Variants in YLPM1 observed in about 807,000 individuals in gnomAD.
YLPM1 encodes YLP motif-containing protein 1.
In YLPM1, 99 loss-of-function variants were observed where a neutral mutation model predicts 230.0. That is an observed-to-expected ratio of 0.43 (90% CI 0.37 to 0.51). The LOEUF (loss-of-function observed/expected upper bound fraction) is 0.51. YLPM1 is among the 20% of genes least tolerant of loss of function. YLPM1 has a pLI of 0.00. For synonymous variants in YLPM1, 984 were observed against 942.5 expected (o/e 1.04, Z -0.81); for missense variants, 2,592 against 2,707.7 (o/e 0.96, Z 0.95).
intron 13 of YLPM1, 50 bp from the exon 14 acceptor site, chr14:74,816,881 G>A: frequency 2.7e-6 from 4 of 1,509,324 alleles, no homozygotes; most frequent in Non-Finnish European, 3.5e-6. Context: ...AAAAGGTTTT[G>A]GATGATTCTT....
In YLPM1 at chr14:74,778,570, G is replaced by T; in HGVS notation, c.997G>T (p.Glu333Ter). 6.2e-7 allele frequency: 1 copy of T among 1,605,272 alleles called. No individual in the cohort carries two copies. The highest frequency in any genetic ancestry group is 8.5e-7 in the Non-Finnish European group (1 of 1,175,984). Residue 333 changes from glutamate (E) to a stop codon, truncating the protein, a stop_gained, in exon 2 of 21, where the codon GAA becomes TAA. Coordinates refer to ENST00000325680, the MANE Select transcript of YLPM1 (RefSeq NM_019589.3). LOFTEE classifies it high-confidence loss of function. ...AKDTPEPVKE[E>*]VTVPATSQVP... Reference sequence around the variant, plus strand: ...GGATACACCAGAGCCGGTAAAAGAAGAAGTTACAGTACCTGCCACCAGTCA... The same window carrying T: ...GGATACACCAGAGCCGGTAAAAGAATAAGTTACAGTACCTGCCACCAGTCA...
chr14:74,798,591 A>G lies in YLPM1; in HGVS notation c.3294A>G (p.Gln1098=). The change falls in exon 5 of 21, where the codon CAA becomes CAG. Residue 1098 remains glutamine, a synonymous_variant. Coordinates refer to ENST00000325680, the MANE Select transcript of YLPM1 (RefSeq NM_019589.3). ...GGGAGAAAGTGCCAGGTGGTCTTCA[A>G]GGGAGCCAGGACAGGGGTGCAGCTG... ...SSREKVPGGL[Q]GSQDRGAAGS... 2 of 1,613,516 alleles carry G rather than the reference A, an allele frequency of 1.2e-6. No individual in the cohort carries two copies. The highest frequency in any genetic ancestry group is 1.7e-6 in the Non-Finnish European group (2 of 1,179,648).
intron 1 of YLPM1, among the ~76,000 whole-genome samples, chr14:74,766,247 G>A (rs2090910054): frequency 6.6e-6 from 1 of 152,154 alleles, no homozygotes; most frequent in Non-Finnish European, 1.5e-5. Context: ...TGGTTTATTA[G>A]ATGATAAATA....
chr14:74,809,842 G>A (rs1402502213), intron 7 of YLPM1, 45 bp downstream of exon 7: 1 of 1,609,192 alleles, frequency 6.2e-7, no homozygotes, highest in African/African-American at 1.3e-5. Flanking sequence ...TACAGGAATT[G>A]TTAGCTTCAG....
chr14:74,822,693 A>G (rs1312286893), intron 17 of YLPM1, among the ~76,000 whole-genome samples: 3 of 152,174 alleles, frequency 2.0e-5, no homozygotes, highest in African/African-American at 7.2e-5. Flanking sequence ...TTCCAAGAGT[A>G]AAAGATTCTT....
At chr14:74,789,398 G>A (rs1488598008) in intron 4 of YLPM1, among the ~76,000 whole-genome samples, 1 of 151,878 alleles carries the variant, frequency 6.6e-6, no homozygotes, top group Non-Finnish European at 1.5e-5. Flanking sequence ...TGTGTTTTTA[G>A]TACAGATGGG....
At chr14:74,768,443 C>T (rs544852443) in intron 1 of YLPM1, among the ~76,000 whole-genome samples, 1 of 152,202 alleles carries the variant, frequency 6.6e-6, no homozygotes, top group African/African-American at 2.4e-5. Context: ...GATGGGGTTT[C>T]ACCATGTTGG....
chr14:74,774,240 T>C (rs1279129663), intron 1 of YLPM1, among the ~76,000 whole-genome samples: 1 of 152,122 alleles, frequency 6.6e-6, no homozygotes, highest in Non-Finnish European at 1.5e-5. Context: ...CAGTAGAGTA[T>C]TGGTTTTTTT....
At chr14:74,833,230 G>A (rs2140148398) in intron 19 of YLPM1, among the ~76,000 whole-genome samples, 1 of 152,186 alleles carries the variant, frequency 6.6e-6, no homozygotes, top group South Asian at 2.1e-4. Context: ...GGAGCTGAGA[G>A]AATATACATG....
In YLPM1 at chr14:74,781,906, C is replaced by G. The variant is rs771423319; in HGVS notation, c.1863C>G (p.Leu621=). 2 of 1,613,862 alleles carry G rather than the reference C, an allele frequency of 1.2e-6. No homozygotes were observed. The highest frequency in any genetic ancestry group is 3.3e-5 in the Admixed American group (2 of 59,996). The change falls in exon 4 of 21, where the codon CTC becomes CTG. Residue 621 remains leucine (L), a synonymous_variant. Coordinates refer to ENST00000325680, the MANE Select transcript of YLPM1 (RefSeq NM_019589.3). The part of the protein sequence containing the change: ...SSTAPPPVMP[L]PPLSSATPPP... Reference sequence around the variant, plus strand: ...CAGCACCTCCACCTGTCATGCCCCTCCCACCATTGTCTTCAGCTACACCTC... The same window carrying G: ...CAGCACCTCCACCTGTCATGCCCCTGCCACCATTGTCTTCAGCTACACCTC...
intron 1 of YLPM1, among the ~76,000 whole-genome samples, chr14:74,776,438 A>G (rs2091039332): frequency 6.6e-6 from 1 of 152,218 alleles, no homozygotes; most frequent in Admixed American, 6.5e-5. Flanking sequence ...TTGTCCGAAC[A>G]AAGCTGACCT....
Position 74,798,896 on chromosome 14 carries a change from G to A in YLPM1, c.3599G>A (p.Gly1200Glu), listed in dbSNP as rs1012498110. 2 of 1,613,738 alleles carry A rather than the reference G, an allele frequency of 1.2e-6. No homozygotes were observed. The highest frequency in any genetic ancestry group is 2.7e-5 in the African/African-American group (2 of 74,880). Residue 1200 changes from glycine to glutamate, a missense_variant, in exon 5 of 21, where the codon GGG (glycine) becomes GAG (glutamate). Transcript: ENST00000325680. ...CCATGGAACCATGGAGAAGAGCGAG[G>A]GCATGAAGAGTTTCCATTAGATGGT... ...RAPWNHGEER[G>E]HEEFPLDGRN...
rs540880933 is a variant in YLPM1 at position 74,765,947 on chromosome 14, T to G, written c.873+1585T>G. ...AGAAGAGCCTTGAAGCCTGTGGCTT[T>G]CTTTCTTCTTTTTAGAATTCATCCT... On this transcript the variant is annotated intron_variant, in intron 1 of 20. Coordinates refer to ENST00000325680, the MANE Select transcript of YLPM1 (RefSeq NM_019589.3). Among the ~76,000 whole-genome samples the G allele has an allele frequency of 6.6e-5, 10 of 152,310 alleles. No homozygotes were observed. In the South Asian group the frequency reaches 8.3e-4, roughly 13 times the overall value.
intron 2 of YLPM1, 104 bp from the exon 3 acceptor site, chr14:74,780,301 A>C: frequency 7.2e-7 from 1 of 1,384,378 alleles, no homozygotes; most frequent in Non-Finnish European, 9.6e-7. Context: ...TGACAGTTGG[A>C]TATTTCTGAG....
At chr14:74,764,400 G>C (rs35864887) in intron 1 of YLPM1, 38 bp downstream of exon 1, 2 of 1,542,438 alleles carry the variant, frequency 1.3e-6, no homozygotes, top group African/African-American at 2.7e-5. Context: ...CTTTCACCTA[G>C]AGGGCCCTGA....
In YLPM1 at chr14:74,797,308, C is replaced by T. The variant is rs75183106; in HGVS notation, c.2283-272C>T. Among the ~76,000 whole-genome samples, 1,305 of 151,858 alleles carry T rather than the reference C, an allele frequency of 8.6e-3. 20 individuals carry two copies. The highest frequency in any genetic ancestry group is 0.03 in the African/African-American group (1,239 of 41,444). The stretch of plus-strand genomic sequence containing the variant: ...GCCAGGCCTGTAATTGCTTTTTAAC[C>T]GTTCAGTATATCAGTGACTTGCGGC... On this transcript the variant is annotated intron_variant, in intron 4 of 20. Transcript: ENST00000325680.
chr14:74,818,149 G>A (rs2140134837), intron 15 of YLPM1, 82 bp from the exon 16 acceptor site: 8 of 710,628 alleles, frequency 1.1e-5, no homozygotes, highest in East Asian at 3.3e-5. Context: ...TTAAAATATT[G>A]TTAAATGTTG....
In YLPM1 at chr14:74,810,009, T is replaced by C. The variant is rs948578136; in HGVS notation, c.5032+7T>C. 1.3e-6 allele frequency: 2 copies of C among 1,593,538 alleles called. No homozygotes were observed. Among genetic ancestry groups the C allele is most frequent in the African/African-American group, 2.7e-5 (2 of 74,512 alleles). ...AGATCAACTTTTGAGACAGGTAGGA[T>C]TCCCAGAGAGGTCAGTATTTTTAAA... is the stretch of plus-strand genomic sequence containing the variant. On this transcript the variant is annotated splice_region_variant and intron_variant, in intron 8 of 20. Coordinates refer to ENST00000325680, the MANE Select transcript of YLPM1 (RefSeq NM_019589.3).
chr14:74,799,258 T>C lies in YLPM1; in HGVS notation c.3961T>C (p.Ser1321Pro), dbSNP rs755296754. Residue 1321 changes from serine (S) to proline (P), a missense_variant, in exon 5 of 21, where the codon TCA becomes CCA. Physicochemically the swap from Ser to Pro is moderately conservative, Grantham distance 74. Coordinates refer to ENST00000325680, the MANE Select transcript of YLPM1 (RefSeq NM_019589.3). ...TGGGAGACCACTGGATGAACAAGAA[T>C]CACAGTTTCGTGAACGGGATATTCC... is the stretch of plus-strand genomic sequence containing the variant. The part of the protein sequence containing the change: ...DYGRPLDEQE[S>P]QFRERDIPSL... The C allele has an allele frequency of 6.2e-7, 1 of 1,613,966 alleles. No individual in the cohort carries two copies. Among genetic ancestry groups the C allele is most frequent in the Non-Finnish European group, 8.5e-7 (1 of 1,179,882 alleles).
Sources: gnomAD v4.1 joint callset for allele counts (sites outside exome capture counted in the v4.1 genomes callset) on GRCh38, gnomAD v4.1.1 for gene constraint, MANE v1.5 for transcripts, NCBI Gene and HGNC (gene_info 2026-07-23, HGNC 2026-07-21) for gene names.